Variants in CCN4 observed in about 807,000 individuals in gnomAD.
The protein encoded by CCN4 is cellular communication network factor 4, also known as CCN family member 4.
A neutral mutation model predicts 36.7 loss-of-function variants in CCN4; 30 were observed. The ratio of observed to expected loss-of-function variants is 0.82; its 90% CI spans 0.61 to 1.11. CCN4 has a LOEUF of 1.11. Among genes scored for constraint, CCN4 ranks in the 50% least tolerant of loss-of-function variants. CCN4 has a pLI of 0.00. For synonymous variants in CCN4, 191 were observed against 195.4 expected (o/e 0.98, Z 0.19); for missense variants, 505 against 504.9 (o/e 1.00, Z 0.00).
chr8:133,224,166 T>C (rs1330085289), intron 3 of CCN4, among the ~76,000 whole-genome samples: 1 of 149,356 alleles, frequency 6.7e-6, no homozygotes, highest in Non-Finnish European at 1.5e-5. Flanking sequence ...GGAAGTTACA[T>C]AGCCAGCAAG....
intron 2 of CCN4, among the ~76,000 whole-genome samples, chr8:133,219,688 A>T (rs1854447742): frequency 6.6e-6 from 1 of 152,210 alleles, no homozygotes; most frequent in Admixed American, 6.5e-5. Context: ...GATCACTGAA[A>T]ATGTCAAATC....
chr8:133,200,016 A>C (rs1381433216), intron 1 of CCN4, among the ~76,000 whole-genome samples: 1 of 152,172 alleles, frequency 6.6e-6, no homozygotes. Context: ...TGCCCCAAGC[A>C]GGCTGCCTAG....
intron 1 of CCN4, among the ~76,000 whole-genome samples, chr8:133,194,036 C>T (rs16893344): frequency 0.29 from 43,580 of 152,080 alleles, 7,101 homozygotes; most frequent in Non-Finnish European, 0.36. Flanking sequence ...AAGCTCCCTG[C>T]TGCTGAACGT....
At chr8:133,220,862 G>C (rs1483328432) in intron 3 of CCN4, 21 bp downstream of exon 3, 1 of 1,584,562 alleles carries the variant, frequency 6.3e-7, no homozygotes, top group Non-Finnish European at 8.6e-7. Context: ...GCCCGAGTGG[G>C]CTGGGGGTGG....
intron 2 of CCN4, among the ~76,000 whole-genome samples, chr8:133,218,078 T>G (rs1854392885): frequency 6.6e-6 from 1 of 152,098 alleles, no homozygotes; most frequent in Admixed American, 6.6e-5. Flanking sequence ...CCTTCACTGG[T>G]GTCTGGTGGC....
rs1854936593 is a variant in CCN4, at chr8:133,230,926, G to T, written c.*3216G>T. ...ACAGAAGTTTAGTCGTGTACTCAAG[G>T]TCTTACCAGCTAGTGAACAGCAGAC... is the stretch of plus-strand genomic sequence containing the variant. On this transcript the variant is annotated 3_prime_UTR_variant, in exon 5 of 5. Transcript: ENST00000250160. The T allele has an allele frequency of 6.6e-6, 1 of 152,144 alleles. No individual in the cohort carries two copies. Among genetic ancestry groups the T allele is most frequent in the Non-Finnish European group, 1.5e-5 (1 of 68,034 alleles). 9.4% of individuals were successfully genotyped at this position (152,144 alleles called of 1,614,324 possible).
At position 133,227,706 on chromosome 8, in the gene CCN4, A is replaced by T; in HGVS notation, c.1100A>T (p.Asn367Ile). 2.5e-6 allele frequency: 4 copies of T among 1,611,692 alleles called. No individual in the cohort carries two copies. Among genetic ancestry groups the T allele is most frequent in the Non-Finnish European group, 3.4e-6 (4 of 1,178,298 alleles). ...ESYPDFSEIA[N>I] ...TACCCTGACTTCTCAGAAATTGCCAACTAGGCAGGCACAAATCTTGGGTCT... is the reference window on the plus strand; with the variant it reads ...TACCCTGACTTCTCAGAAATTGCCATCTAGGCAGGCACAAATCTTGGGTCT... Residue 367 changes from asparagine to isoleucine, a missense_variant, in exon 5 of 5, where the codon AAC becomes ATC. Asn to Ile is a moderately radical substitution (Grantham distance 149). Coordinates refer to ENST00000250160, the MANE Select transcript of CCN4 (RefSeq NM_003882.4).
At chr8:133,193,672 T>C (rs953853654) in intron 1 of CCN4, among the ~76,000 whole-genome samples, 12 of 152,222 alleles carry the variant, frequency 7.9e-5, no homozygotes, top group African/African-American at 2.7e-4. Context: ...ACAATATTAT[T>C]TAGCAAGTGC....
chr8:133,227,311 C>A, intron 4 of CCN4, 100 bp from the exon 5 acceptor site: 1 of 1,262,734 alleles, frequency 7.9e-7, no homozygotes, highest in Non-Finnish European at 1.1e-6. Context: ...AGGTGGAATG[C>A]TCCCACATAG....
intron 1 of CCN4, among the ~76,000 whole-genome samples, chr8:133,199,776 G>A (rs2130538525): frequency 6.6e-6 from 1 of 152,264 alleles, no homozygotes; most frequent in Middle Eastern, 3.4e-3. Context: ...CCAGTGCCAA[G>A]TCCTGATGCT....
intron 2 of CCN4, among the ~76,000 whole-genome samples, chr8:133,216,428 A>G (rs1361500196): frequency 1.3e-5 from 2 of 152,136 alleles, no homozygotes; most frequent in African/African-American, 4.8e-5. Context: ...AGATGACCCT[A>G]CTGGGCCCAG....
intron 1 of CCN4, among the ~76,000 whole-genome samples, chr8:133,203,132 C>A (rs1016593724): frequency 6.6e-6 from 1 of 152,220 alleles, no homozygotes; most frequent in East Asian, 1.9e-4. Context: ...GGCCTCCGAC[C>A]GTCCACACTG....
rs1470209531 is a variant in CCN4, at chr8:133,220,611, G to A, written c.380G>A (p.Gly127Glu). 1.9e-6 allele frequency: 3 copies of A among 1,614,156 alleles called. No individual in the cohort carries two copies. The South Asian group carries it at 3.3e-5, about 18-fold the overall frequency. Residue 127 changes from glycine to glutamate, a missense_variant, in exon 3 of 5, where the codon GGG becomes GAG. Gly to Glu is a moderately conservative substitution (Grantham distance 98). Coordinates refer to ENST00000250160, the MANE Select transcript of CCN4 (RefSeq NM_003882.4). ...GTCGGTGTGGGCTGCGTCCTGGATG[G>A]GGTGCGCTACAACAACGGCCAGTCC... The part of the protein sequence containing the change: ...QVVGVGCVLD[G>E]VRYNNGQSFQ...
intron 2 of CCN4, among the ~76,000 whole-genome samples, 170 bp downstream of exon 2, chr8:133,213,313 GGCAAGGAT>G (rs573403053): frequency 1.2e-3 from 183 of 152,274 alleles, no homozygotes; most frequent in African/African-American, 3.9e-3. Context: ...GGGAAGGGGA[GGCAAGGAT>G]GCCTGCACTC....
chr8:133,200,775 A>G (rs995919235), intron 1 of CCN4, among the ~76,000 whole-genome samples: 4 of 152,278 alleles, frequency 2.6e-5, no homozygotes, highest in Admixed American at 2.6e-4. Flanking sequence ...TGCCTTCCCC[A>G]GGGGAGGGAG....
In CCN4 at chr8:133,191,106, G is replaced by C; in HGVS notation, c.-39G>C. 1.2e-6 allele frequency: 2 copies of C among 1,602,044 alleles called. No homozygotes were observed. Among genetic ancestry groups the C allele is most frequent in the Middle Eastern group, 1.8e-4 (1 of 5,642 alleles). Reference sequence around the variant, plus strand: ...CCCCCGAGAGGTGGTCGGATCCTCTGGGCTGCTCGGTCGATGCCTGTGCCA... The same window carrying C: ...CCCCCGAGAGGTGGTCGGATCCTCTCGGCTGCTCGGTCGATGCCTGTGCCA... On this transcript the variant is annotated 5_prime_UTR_variant, in exon 1 of 5. Coordinates refer to ENST00000250160, the MANE Select transcript of CCN4 (RefSeq NM_003882.4).
chr8:133,222,551 T>C (rs1280450033), intron 3 of CCN4, among the ~76,000 whole-genome samples: 1 of 151,164 alleles, frequency 6.6e-6, no homozygotes, highest in Non-Finnish European at 1.5e-5. Context: ...GGCCTGAGGG[T>C]AACATCCACA....
At chr8:133,224,706 G>C (rs540163862) in intron 3 of CCN4, among the ~76,000 whole-genome samples, 5 of 151,952 alleles carry the variant, frequency 3.3e-5, no homozygotes, top group Admixed American at 2.0e-4. Context: ...AGGCTGAGGC[G>C]GGTGGATCAC....
intron 1 of CCN4, among the ~76,000 whole-genome samples, chr8:133,205,123 G>A (rs1206503969): frequency 2.0e-5 from 3 of 152,222 alleles, no homozygotes; most frequent in Non-Finnish European, 4.4e-5. Flanking sequence ...GTGGGGCCCG[G>A]TGGGCTCAGA....
Sources: gnomAD v4.1 joint callset for allele counts (sites outside exome capture counted in the v4.1 genomes callset) on GRCh38, gnomAD v4.1.1 for gene constraint, MANE v1.5 for transcripts, NCBI Gene and HGNC (gene_info 2026-07-23, HGNC 2026-07-21) for gene names.